Variants in RARB observed in about 807,000 individuals in gnomAD.
The protein encoded by RARB is retinoic acid receptor beta.
Under a neutral mutation model 51.9 loss-of-function variants are expected in RARB, and 17 were observed. The ratio of observed to expected loss-of-function variants is 0.33; its 90% confidence interval spans 0.22 to 0.49. The LOEUF is 0.49. RARB is among the 20% of genes least tolerant of loss of function. The probability of loss-of-function intolerance (pLI) is 0.99; values close to 1 mark genes in which losing one functional copy is unlikely to be tolerated. For missense variants in RARB, 369 were observed against 550.8 expected (o/e 0.67, Z 3.30); for synonymous variants, 215 against 195.4 (o/e 1.10, Z -0.84).
intron 5 of RARB, among the ~76,000 whole-genome samples, chr3:25,288,749 G>T (rs1559345271): frequency 6.9e-6 from 1 of 145,824 alleles, no homozygotes; most frequent in Non-Finnish European, 1.5e-5. Context: ...ATTATCTTTT[G>T]GAACTTTCCT....
intron 5 of RARB, among the ~76,000 whole-genome samples, chr3:25,413,628 C>T (rs1707625151): frequency 6.6e-6 from 1 of 151,384 alleles, no homozygotes; most frequent in Admixed American, 6.6e-5. Flanking sequence ...TTCTCCACAT[C>T]TTCACCAACC....
At position 24,891,608 on chromosome 3, in the gene RARB, A is replaced by G. The variant is rs2125364488; in HGVS notation, c.-380+32856A>G. On this transcript the variant is annotated intron_variant, in intron 2 of 11. Coordinates refer to the RARB transcript ENST00000383772. Reference sequence around the variant, plus strand: ...TTTAATATTCATCTGCCTTTTCATCATAACTTTTTTGTGGCTAAATAAAAT... The same window carrying G: ...TTTAATATTCATCTGCCTTTTCATCGTAACTTTTTTGTGGCTAAATAAAAT... 1.3e-5 allele frequency among the ~76,000 whole-genome samples: 2 copies of G among 152,260 alleles called. 1 individual carries two copies. Among genetic ancestry groups the G allele is most frequent in the African/African-American group, 4.8e-5 (2 of 41,556 alleles).
intron 2 of RARB, among the ~76,000 whole-genome samples, chr3:24,912,975 C>CT (rs386396163): frequency 0.08 from 5,986 of 74,662 alleles, 940 homozygotes; most frequent in African/African-American, 0.13. Context: ...GGTACTGATT[C>CT]TTTTTTTTTT....
intron 2 of RARB, among the ~76,000 whole-genome samples, chr3:24,939,192 C>A (rs542743156): frequency 6.6e-6 from 1 of 152,122 alleles, no homozygotes; most frequent in Non-Finnish European, 1.5e-5. Context: ...TTGTGTTGGC[C>A]AGGCTTCTCT....
chr3:25,070,347 G>A (rs1401703777), intron 3 of RARB, among the ~76,000 whole-genome samples: 1 of 152,184 alleles, frequency 6.6e-6, no homozygotes, highest in Non-Finnish European at 1.5e-5. Context: ...GGGAGGGTAG[G>A]AGGGAAGAGC....
Position 24,861,594 on chromosome 3 carries a change from TA to T in RARB, c.-380+2863del, listed in dbSNP as rs3057186. 9.3e-3 allele frequency among the ~76,000 whole-genome samples: 1,281 copies of T among 137,826 alleles called. 4 individuals are homozygous for T. The highest frequency in any genetic ancestry group is 0.023 in the Middle Eastern group (6 of 256). The allele number at this position is 137,826 out of a possible 152,430, so 90.4% of individuals were successfully genotyped here. On this transcript the variant is annotated intron_variant, in intron 2 of 11. Transcript: ENST00000383772. Reference sequence around the variant, plus strand: ...CCTTGTTAACAGAAATAACTTGTTATAAAAAAAAAAAAAAAAAAAAACCTTT... The same window carrying T: ...CCTTGTTAACAGAAATAACTTGTTATAAAAAAAAAAAAAAAAAAAACCTTT...
At chr3:25,181,534 G>A (rs1016751399) in intron 5 of RARB, among the ~76,000 whole-genome samples, 4 of 152,152 alleles carry the variant, frequency 2.6e-5, no homozygotes, top group Non-Finnish European at 5.9e-5. Flanking sequence ...GCAGAAGCTA[G>A]GAGGCTTAAT....
At chr3:25,541,250 C>T (rs1347734363) in intron 3 of RARB, among the ~76,000 whole-genome samples, 1 of 152,214 alleles carries the variant, frequency 6.6e-6, no homozygotes, top group African/African-American at 2.4e-5. Context: ...AATCCCTCCT[C>T]ATCCTCTTCA....
chr3:25,087,476 C>T (rs1699124569), intron 3 of RARB, among the ~76,000 whole-genome samples: 1 of 152,052 alleles, frequency 6.6e-6, no homozygotes, highest in African/African-American at 2.4e-5. Flanking sequence ...CCTTGTATAG[C>T]CTTTTAGCCA....
rs140830084 is a variant in RARB, at chr3:25,408,991, G to A, written c.179-52202G>A. 5.6e-3 allele frequency among the ~76,000 whole-genome samples: 848 copies of A among 152,232 alleles called. 10 individuals carry two copies. The highest frequency in any genetic ancestry group is 0.02 in the African/African-American group (819 of 41,538). ...GGAGGTTGCAGTGAGCCGAGATTGCGCCACTGCACTCCAGCCTGTGTGACA... is the reference window on the plus strand; with the variant it reads ...GGAGGTTGCAGTGAGCCGAGATTGCACCACTGCACTCCAGCCTGTGTGACA... On this transcript the variant is annotated intron_variant, in intron 5 of 11. Transcript: ENST00000383772.
chr3:25,540,007 C>T (rs1412452074), intron 3 of RARB, among the ~76,000 whole-genome samples: 7 of 152,114 alleles, frequency 4.6e-5, no homozygotes, highest in Non-Finnish European at 7.3e-5. Flanking sequence ...TCTGCAGGGC[C>T]GACTGCTGGA....
chr3:25,293,934 G>A (rs1345485658), intron 5 of RARB, among the ~76,000 whole-genome samples: 1 of 152,088 alleles, frequency 6.6e-6, no homozygotes, highest in Non-Finnish European at 1.5e-5. Flanking sequence ...ATGGCTCATC[G>A]GTTGTCTGCA....
intron 2 of RARB, among the ~76,000 whole-genome samples, chr3:25,057,050 G>A (rs946498958): frequency 2.0e-5 from 3 of 152,008 alleles, no homozygotes; most frequent in Non-Finnish European, 2.9e-5. Context: ...TGGGATTTCT[G>A]CCATGATTCA....
intron 5 of RARB, among the ~76,000 whole-genome samples, chr3:25,342,586 T>C (rs1436360940): frequency 6.6e-6 from 1 of 152,200 alleles, no homozygotes; most frequent in Non-Finnish European, 1.5e-5. Context: ...CTTTTTTTTA[T>C]TCCTGGTTGG....
chr3:25,292,041 C>T (rs1012174375), intron 5 of RARB, among the ~76,000 whole-genome samples: 24 of 146,566 alleles, frequency 1.6e-4, no homozygotes, highest in Non-Finnish European at 3.4e-4. Flanking sequence ...GTGAGTCTTC[C>T]TCCCACTTTT....
chr3:25,088,843 T>C (rs1313087400), intron 3 of RARB, among the ~76,000 whole-genome samples: 1 of 152,010 alleles, frequency 6.6e-6, no homozygotes, highest in Non-Finnish European at 1.5e-5. Context: ...GGGGAGCAGA[T>C]GAAAGCTCTT....
chr3:25,336,174 G>A (rs1312336291), intron 5 of RARB, among the ~76,000 whole-genome samples: 2 of 151,662 alleles, frequency 1.3e-5, no homozygotes, highest in African/African-American at 2.4e-5. Context: ...GAAAAATAAA[G>A]ACAACTGGAA....
intron 2 of RARB, among the ~76,000 whole-genome samples, chr3:25,473,375 G>A (rs1695793851): frequency 6.6e-6 from 1 of 152,058 alleles, no homozygotes; most frequent in Non-Finnish European, 1.5e-5. Context: ...CATTGTCTGG[G>A]GTGAAGGGGA....
intron 1 of RARB, among the ~76,000 whole-genome samples, chr3:25,445,285 T>G (rs1165277639): frequency 6.6e-6 from 1 of 152,166 alleles, no homozygotes; most frequent in African/African-American, 2.4e-5. Flanking sequence ...TAACATGGCC[T>G]AATTAAAATA....
Sources: gnomAD v4.1 joint callset for allele counts (sites outside exome capture counted in the v4.1 genomes callset) on GRCh38, gnomAD v4.1.1 for gene constraint, MANE v1.5 for transcripts, NCBI Gene and HGNC (gene_info 2026-07-23, HGNC 2026-07-21) for gene names.